The following CHD6 variants were observed in gnomAD, a reference collection of about 807,000 sequenced individuals.
CHD6 encodes the protein chromodomain helicase DNA binding protein 6, also known as ATP-dependent chromatin remodeler CHD6.
CHD6 carries 50 observed loss-of-function variants against 276.9 expected under a neutral mutation model. The ratio of observed to expected loss-of-function variants is 0.18; its 90% CI spans 0.14 to 0.23. The LOEUF is 0.23. CHD6 is among the 10% of genes least tolerant of loss of function. The pLI is 1.00. For synonymous variants in CHD6, 1,173 were observed against 1,229.3 expected (o/e 0.95, Z 0.96); for missense variants, 2,564 against 3,365.8 (o/e 0.76, Z 5.89).
chr20:41,420,394 GCAGGTCTGTTT>G (rs1361473352), intron 31 of CHD6, 103 bp downstream of exon 31: 2 of 1,146,386 alleles, frequency 1.7e-6, no homozygotes, highest in Non-Finnish European at 2.5e-6. Flanking sequence ...GTGAGGGTAG[GCAGGTCTGTTT>G]CAGAAGCTGT....
rs114526710 is a variant in CHD6, at chr20:41,488,752, A to G, written c.1681-148T>C. 1,491 of 679,840 alleles carry G rather than the reference A, an allele frequency of 2.2e-3. 16 individuals carry two copies. The African/African-American group carries it at 0.025, about 11-fold the overall frequency. 42.1% of individuals were successfully genotyped at this position (679,840 alleles called of 1,614,324 possible). A position where few individuals can be genotyped will look rare whatever the true frequency, so the allele number is the denominator to read the frequency against. ...TTTTCCTCATGTGAGAAAAGAGAAT[A>G]TAAGAATTAACGAGCTAGTTAGCCA... is the stretch of plus-strand genomic sequence containing the variant. On this transcript the variant is annotated intron_variant, in intron 12 of 36. Transcript: ENST00000373233.
intron 1 of CHD6, among the ~76,000 whole-genome samples, chr20:41,600,963 A>G (rs2045767636): frequency 6.6e-6 from 1 of 152,200 alleles, no homozygotes. Flanking sequence ...AGGAGAAAAA[A>G]GTGGAATTTT....
chr20:41,593,846 G>A (rs1217149831), intron 1 of CHD6, among the ~76,000 whole-genome samples: 1 of 152,162 alleles, frequency 6.6e-6, no homozygotes, highest in Non-Finnish European at 1.5e-5. Flanking sequence ...GCGAAGAGAA[G>A]AAAGAAACCG....
intron 1 of CHD6, among the ~76,000 whole-genome samples, chr20:41,579,092 T>A (rs1357999587): frequency 7.7e-6 from 1 of 129,264 alleles, no homozygotes; most frequent in Admixed American, 9.1e-5. Context: ...ATTGTACCAC[T>A]GCACTCCAGC....
At chr20:41,552,309 G>C (rs1396466121) in intron 1 of CHD6, among the ~76,000 whole-genome samples, 1 of 152,174 alleles carries the variant, frequency 6.6e-6, no homozygotes, top group Non-Finnish European at 1.5e-5. Flanking sequence ...CACTCACTCA[G>C]AAAACCAAAT....
chr20:41,510,308 T>C (rs2044086469), intron 5 of CHD6, among the ~76,000 whole-genome samples: 1 of 152,106 alleles, frequency 6.6e-6, no homozygotes, highest in Non-Finnish European at 1.5e-5. Context: ...GTAAAAACAG[T>C]TTTAAGTGGA....
intron 2 of CHD6, among the ~76,000 whole-genome samples, chr20:41,550,594 A>T (rs917322176): frequency 1.8e-4 from 28 of 152,170 alleles, no homozygotes; most frequent in Non-Finnish European, 3.4e-4. Context: ...GTCCCAGTGA[A>T]AAGCAGGGAT....
At chr20:41,472,317 C>CA (rs1000570681) in intron 17 of CHD6, among the ~76,000 whole-genome samples, 11 of 152,026 alleles carry the variant, frequency 7.2e-5, no homozygotes, top group African/African-American at 2.4e-4. Context: ...GAAGCCCAGA[C>CA]ACCCATTGGC....
At chr20:41,479,937 C>T (rs532476789) in intron 16 of CHD6, among the ~76,000 whole-genome samples, 13 of 152,144 alleles carry the variant, frequency 8.5e-5, no homozygotes, top group Non-Finnish European at 1.9e-4. Context: ...CTACAGGCTT[C>T]GAACTTCTCA....
Position 41,403,089 on chromosome 20 carries a change from G to T in CHD6, c.*1504C>A. 1 of 227,750 alleles carries T rather than the reference G, an allele frequency of 4.4e-6. No individual in the cohort carries two copies. The highest frequency in any genetic ancestry group is 8.5e-6 in the Non-Finnish European group (1 of 117,832). The allele number at this position is 227,750 out of a possible 1,614,324, so 14.1% of individuals were successfully genotyped here. A position where few individuals can be genotyped will look rare whatever the true frequency, so the allele number is the denominator to read the frequency against. ...AAATGTATAAAAGACAATGAAAAAAGCATCATAAATAAATAATGCAAAATG... is the reference window on the plus strand; with the variant it reads ...AAATGTATAAAAGACAATGAAAAAATCATCATAAATAAATAATGCAAAATG... On this transcript the variant is annotated 3_prime_UTR_variant, in exon 37 of 37. Transcript: ENST00000373233.
intron 19 of CHD6, among the ~76,000 whole-genome samples, chr20:41,454,956 T>C (rs1455130061): frequency 6.6e-6 from 1 of 152,178 alleles, no homozygotes; most frequent in Non-Finnish European, 1.5e-5. Context: ...ACTGAAGGGA[T>C]CATTTTTTTT....
chr20:41,423,210 C>A (rs1246491761), intron 30 of CHD6, among the ~76,000 whole-genome samples: 2 of 152,060 alleles, frequency 1.3e-5, no homozygotes, highest in African/African-American at 2.4e-5. Flanking sequence ...TTTAAAAAAA[C>A]CCTTATACTT....
chr20:41,577,913 G>A, intron 1 of CHD6, among the ~76,000 whole-genome samples: 1 of 152,148 alleles, frequency 6.6e-6, no homozygotes. Flanking sequence ...TACAAAACAT[G>A]ACAATCATAT....
rs1385050586 is a variant in CHD6, at chr20:41,452,115, C to T, written c.3324-90G>A. On this transcript the variant is annotated intron_variant, in intron 21 of 36. Coordinates refer to ENST00000373233, the MANE Select transcript of CHD6 (RefSeq NM_032221.5). The surrounding 1 kb of genome is among the most constrained non-coding windows in gnomAD (Gnocchi z 4.2). The stretch of plus-strand genomic sequence containing the variant: ...CACAGGAGGAGAAACAAGAGCCATA[C>T]ATGCTTTTTGTTCTCTGTAGGTCTG... The T allele has an allele frequency of 1.5e-5, 15 of 1,021,304 alleles. No individual in the cohort carries two copies. In the South Asian group the frequency reaches 1.8e-4, roughly 12 times the overall value. The allele number at this position is 1,021,304 out of a possible 1,614,324, so 63.3% of individuals were successfully genotyped here. A position where few individuals can be genotyped will look rare whatever the true frequency, so the allele number is the denominator to read the frequency against.
chr20:41,485,111 T>A (rs1002147123), intron 14 of CHD6, among the ~76,000 whole-genome samples: 1 of 152,212 alleles, frequency 6.6e-6, no homozygotes, highest in Non-Finnish European at 1.5e-5. Context: ...TGTAGCAGTA[T>A]GTAAAGAACT....
chr20:41,579,310 C>T (rs962559702), intron 1 of CHD6, among the ~76,000 whole-genome samples: 29 of 148,650 alleles, frequency 2.0e-4, no homozygotes, highest in African/African-American at 6.7e-4. Context: ...TGGTGGCTCA[C>T]GCCTGTAATC....
chr20:41,471,840 T>G (rs928726542), intron 17 of CHD6, among the ~76,000 whole-genome samples: 2 of 152,148 alleles, frequency 1.3e-5, no homozygotes, highest in Admixed American at 6.5e-5. Flanking sequence ...CGGCCATTAT[T>G]TTCAGAGTTT....
At chr20:41,555,581 G>A (rs1247601275) in intron 1 of CHD6, among the ~76,000 whole-genome samples, 3 of 151,308 alleles carry the variant, frequency 2.0e-5, no homozygotes, top group African/African-American at 2.4e-5. Context: ...CAGACGGGGC[G>A]GCCGGGCAGA....
chr20:41,405,514 T>G, intron 36 of CHD6, 25 bp from the exon 37 acceptor site: 2 of 1,528,062 alleles, frequency 1.3e-6, no homozygotes, highest in Non-Finnish European at 1.8e-6. Context: ...AAACACAAAA[T>G]GCTGAAGGCA....
Sources: allele counts gnomAD v4.1 joint callset (sites outside exome capture counted in the v4.1 genomes callset), GRCh38; gene constraint gnomAD v4.1.1; non-coding constraint Gnocchi (gnomAD v3.1); transcripts MANE v1.5; gene names NCBI Gene and HGNC (gene_info 2026-07-23, HGNC 2026-07-21).